Variants in F8 observed in about 807,000 individuals in gnomAD.
F8 encodes coagulation factor VIII.
Under a neutral mutation model 140.6 loss-of-function variants are expected in F8, and 12 were observed. That is an observed-to-expected ratio of 0.09 (90% confidence interval 0.05 to 0.14). The LOEUF (loss-of-function observed/expected upper bound fraction) is 0.14. Ranked by LOEUF, F8 falls within the 10% of genes least tolerant of loss-of-function variation. F8 has a pLI of 1.00. For synonymous variants in F8, 585 were observed against 614.6 expected, an observed-to-expected ratio of 0.95 and a Z score of 0.71; for missense variants, 1,354 against 1,720.7, an observed-to-expected ratio of 0.79 and a Z score of 3.77.
At chrX:154,895,601 A>G (rs983392963) in intron 22 of F8, among the ~76,000 whole-genome samples, 1 of 111,699 alleles carries the variant, frequency 9.0e-6, no homozygotes, top group African/African-American at 3.3e-5. Flanking sequence ...ATGAGGGAAG[A>G]GTAGACAATA....
At chrX:154,898,644 G>A (rs1219196841) in intron 21 of F8, among the ~76,000 whole-genome samples, 1 of 112,101 alleles carries the variant, frequency 8.9e-6, no homozygotes, top group African/African-American at 3.2e-5. Flanking sequence ...TACCTCACAA[G>A]GTTGTAGTAA....
At chrX:154,985,775 G>T (rs1265877018) in intron 5 of F8, among the ~76,000 whole-genome samples, 1 of 112,280 alleles carries the variant, frequency 8.9e-6, no homozygotes. Context: ...CTGCTTTCAA[G>T]ATGCTTACAC....
chrX:154,966,629 C>T lies in F8; in HGVS notation c.1068G>A (p.Met356Ile). ...DSCPEEPQLR[M>I]KNNEEAEDYD... Reference sequence around the variant, plus strand: ...AGTCTTCCGCTTCTTCATTATTTTTCATTCGTAGTTGGGGTTCCTCTGGAC... The same window carrying T: ...AGTCTTCCGCTTCTTCATTATTTTTTATTCGTAGTTGGGGTTCCTCTGGAC... The change falls in exon 8 of 26, where the codon ATG (methionine) becomes ATA (isoleucine). Residue 356 changes from methionine to isoleucine, a missense_variant. By Grantham distance (10) the Met-to-Ile change is conservative. Around this residue, in one of 4 missense-constraint regions of F8, gnomAD observed 252 missense variants for 338.5 expected, o/e 0.74. Coordinates refer to ENST00000360256, the MANE Select transcript of F8 (RefSeq NM_000132.4). 8.3e-7 allele frequency: 1 copy of T among 1,211,253 alleles called. No homozygotes were observed.
At chrX:154,926,039 C>T (rs2073158733) in intron 14 of F8, among the ~76,000 whole-genome samples, 1 of 111,906 alleles carries the variant, frequency 8.9e-6, no homozygotes. Context: ...CCTTCCCTTG[C>T]TGTTCTCATG....
At chrX:155,011,782 GAA>G (rs1260220757) in intron 1 of F8, among the ~76,000 whole-genome samples, 1 of 112,288 alleles carries the variant, frequency 8.9e-6, no homozygotes, top group Non-Finnish European at 1.9e-5. Context: ...ATTAAAAAAT[GAA>G]AATAGTTTCA....
At chrX:155,017,734 A>C (rs1215017676) in intron 1 of F8, among the ~76,000 whole-genome samples, 1 of 111,580 alleles carries the variant, frequency 9.0e-6, no homozygotes, top group Non-Finnish European at 1.9e-5. Flanking sequence ...GGGGCCTAGG[A>C]ATGTAAATTT....
chrX:154,864,895 GGAGAA>G (rs1243929257), intron 22 of F8, among the ~76,000 whole-genome samples: 5 of 111,046 alleles, frequency 4.5e-5, no homozygotes, highest in African/African-American at 1.6e-4. Flanking sequence ...AATCTTAAAA[GGAGAA>G]GAGAGAGAGA....
chrX:154,984,775 G>A lies in F8; in HGVS notation c.699C>T (p.Asn233=). The stretch of plus-strand genomic sequence containing the variant: ...CAGCATCCCTATCCTGCATCAAGGA[G>A]TTCTTTGTTTCTGAGTGCCAACTTT... ...EGKSWHSETK[N]SLMQDRDAAS... The change falls in exon 6 of 26, where the codon AAC becomes AAT. Residue 233 remains asparagine (N), a synonymous_variant. Coordinates refer to ENST00000360256, the MANE Select transcript of F8 (RefSeq NM_000132.4). 1 of 1,210,945 alleles carries A rather than the reference G, an allele frequency of 8.3e-7. No homozygotes were observed. Among genetic ancestry groups the A allele is most frequent in the East Asian group, 3.0e-5 (1 of 33,843 alleles).
At chrX:154,951,853 T>C (rs2073339337) in intron 12 of F8, among the ~76,000 whole-genome samples, 1 of 111,317 alleles carries the variant, frequency 9.0e-6, no homozygotes, top group African/African-American at 3.3e-5. Context: ...TCCAGACTCT[T>C]ATCTCCACCA....
At chrX:154,947,219 C>T (rs1378452415) in intron 13 of F8, among the ~76,000 whole-genome samples, 3 of 77,579 alleles carry the variant, frequency 3.9e-5, no homozygotes, top group East Asian at 4.0e-4. Context: ...AGCGAGACTC[C>T]GTCTGAAAAA....
At chrX:154,940,194 G>C (rs918061304) in intron 13 of F8, among the ~76,000 whole-genome samples, 2 of 111,934 alleles carry the variant, frequency 1.8e-5, no homozygotes, top group African/African-American at 6.5e-5. Flanking sequence ...AGAGAGGAAG[G>C]CTTCAGAAGA....
chrX:154,839,573 A>G (rs1379140752), intron 25 of F8, among the ~76,000 whole-genome samples: 2 of 110,320 alleles, frequency 1.8e-5, no homozygotes, highest in Non-Finnish European at 3.8e-5. Context: ...TGTGTTAGCC[A>G]GGATGGTCTT....
At chrX:154,901,209 G>T (rs1253595285) in intron 20 of F8, among the ~76,000 whole-genome samples, 162 bp downstream of exon 20, 1 of 111,915 alleles carries the variant, frequency 8.9e-6, no homozygotes, top group Admixed American at 9.5e-5. Flanking sequence ...AGTTAAGATG[G>T]CCACAGTGGG....
chrX:154,936,511 G>A (rs1035347744), intron 13 of F8, among the ~76,000 whole-genome samples: 1 of 112,038 alleles, frequency 8.9e-6, no homozygotes, highest in Non-Finnish European at 1.9e-5. Flanking sequence ...ATTTCACAAA[G>A]ATGAAAGAAT....
At chrX:154,867,690 C>CA (rs373471645) in intron 22 of F8, among the ~76,000 whole-genome samples, 614 of 41,617 alleles carry the variant, frequency 0.015, 5 homozygotes, top group East Asian at 0.024. Context: ...GACTCTGTCT[C>CA]AAAAAAAAAA....
In F8 at chrX:154,906,557, C is replaced by A. The variant is rs1557276378; in HGVS notation, c.5236G>T (p.Val1746Phe). The A allele has an allele frequency of 8.3e-7, 1 of 1,210,456 alleles. No homozygotes were observed. The highest frequency in any genetic ancestry group is 3.0e-5 in the East Asian group (1 of 33,820). The change falls in exon 15 of 26, where the codon GTC becomes TTC. Residue 1746 changes from valine (V) to phenylalanine (F), a missense_variant. Around this residue, in one of 4 missense-constraint regions of F8, gnomAD observed 316 missense variants for 485.4 expected, o/e 0.65. Coordinates refer to ENST00000360256, the MANE Select transcript of F8 (RefSeq NM_000132.4). ...AAAACAACTTTCTTGAACTGAGGGA[C>A]ACTGCCACTCTGAGCCCTGGAGAAA... is the stretch of plus-strand genomic sequence containing the variant. ...VLRNRAQSGS[V>F]PQFKKVVFQE...
chrX:154,839,566 G>A (rs1321821921), intron 25 of F8, among the ~76,000 whole-genome samples: 2 of 110,058 alleles, frequency 1.8e-5, no homozygotes, highest in African/African-American at 6.6e-5. Flanking sequence ...GTTTCACTGT[G>A]TTAGCCAGGA....
chrX:155,021,328 A>G (rs80272002), intron 1 of F8, among the ~76,000 whole-genome samples: 11 of 111,559 alleles, frequency 9.9e-5, no homozygotes, highest in Admixed American at 3.8e-4. Flanking sequence ...AAACAGAAAG[A>G]ACCAAAAAGA....
chrX:154,999,070 T>C (rs782810022), intron 2 of F8, among the ~76,000 whole-genome samples: 1 of 111,002 alleles, frequency 9.0e-6, no homozygotes, highest in South Asian at 3.8e-4. Flanking sequence ...CCTTTTTTTA[T>C]ACAAGGTTGG....
Sources: allele counts gnomAD v4.1 joint callset (sites outside exome capture counted in the v4.1 genomes callset), GRCh38; gene constraint gnomAD v4.1.1; regional missense constraint gnomAD v4.1.1; transcripts MANE v1.5; gene names NCBI Gene and HGNC (gene_info 2026-07-23, HGNC 2026-07-21).